SLIT3: variants seen among roughly 807,000 people sequenced by gnomAD.
SLIT3 encodes the protein slit guidance ligand 3, also known as slit homolog 3 protein.
A neutral mutation model predicts 184.0 loss-of-function variants in SLIT3; 68 were observed. That is an observed-to-expected ratio of 0.37 (90% CI 0.30 to 0.45). The LOEUF (loss-of-function observed/expected upper bound fraction) is 0.45. Ranked by LOEUF, SLIT3 falls within the 20% of genes least tolerant of loss-of-function variation. The pLI, the probability that SLIT3 is intolerant of heterozygous loss-of-function variation, is 1.00. For missense variants in SLIT3, 1,707 were observed against 2,026.0 expected, an observed-to-expected ratio of 0.84 and a Z score of 3.02; for synonymous variants, 831 against 828.6, an observed-to-expected ratio of 1.00 and a Z score of -0.05.
chr5:168,938,509 T>C (rs1762231924), intron 4 of SLIT3, among the ~76,000 whole-genome samples: 1 of 152,250 alleles, frequency 6.6e-6, no homozygotes, highest in South Asian at 2.1e-4. Context: ...TGTTGTTTTC[T>C]AGAACAAATA....
intron 4 of SLIT3, among the ~76,000 whole-genome samples, chr5:169,097,003 C>T (rs1419090396): frequency 2.0e-5 from 3 of 152,124 alleles, no homozygotes; most frequent in African/African-American, 7.2e-5. Flanking sequence ...GGGGTTGTAA[C>T]AACAATGGTT....
intron 16 of SLIT3, among the ~76,000 whole-genome samples, chr5:168,756,393 C>A (rs1346090778): frequency 6.6e-6 from 1 of 152,236 alleles, no homozygotes; most frequent in Non-Finnish European, 1.5e-5. Context: ...AGGGTGAGGC[C>A]ATGCCTGCGC....
At chr5:168,908,809 G>A (rs758785615) in intron 4 of SLIT3, among the ~76,000 whole-genome samples, 6 of 152,148 alleles carry the variant, frequency 3.9e-5, no homozygotes, top group African/African-American at 7.2e-5. Context: ...TATTACAAAC[G>A]ATGGAGGTGT....
At chr5:169,114,014 A>C (rs1323997089) in intron 4 of SLIT3, among the ~76,000 whole-genome samples, 2 of 152,182 alleles carry the variant, frequency 1.3e-5, no homozygotes, top group East Asian at 3.9e-4. Flanking sequence ...TGGCACACAG[A>C]AAGCACTCAA....
chr5:168,712,629 C>T (rs1437181376), intron 23 of SLIT3: 10 of 401,566 alleles, frequency 2.5e-5, no homozygotes, highest in East Asian at 4.2e-5. Flanking sequence ...CTCTCTTAGC[C>T]GTGGAATGCT....
At chr5:169,060,390 TCAAACAAA>T (rs35858529) in intron 4 of SLIT3, among the ~76,000 whole-genome samples, 12 of 151,054 alleles carry the variant, frequency 7.9e-5, no homozygotes, top group South Asian at 2.1e-4. Context: ...AGACTCCATC[TCAAACAAA>T]CAAACAAACA....
At chr5:169,091,564 C>T (rs1281393843) in intron 4 of SLIT3, among the ~76,000 whole-genome samples, 11 of 152,192 alleles carry the variant, frequency 7.2e-5, no homozygotes, top group Admixed American at 3.3e-4. Context: ...AGTTAATTAA[C>T]GAAAGGATAA....
In SLIT3 at chr5:168,775,098, C is replaced by T. The variant is rs377322639; in HGVS notation, c.1152-720G>A. Among the ~76,000 whole-genome samples the T allele has an allele frequency of 1.9e-4, 29 of 150,002 alleles. 1 individual carries two copies. The highest frequency in any genetic ancestry group is 1.9e-3 in the South Asian group (9 of 4,724). Reference sequence around the variant, plus strand: ...TGTCGCCCAGGCTGGAGTTCAATGGCGTGATCTCGGCTCACTGCAACCTCC... The same window carrying T: ...TGTCGCCCAGGCTGGAGTTCAATGGTGTGATCTCGGCTCACTGCAACCTCC... On this transcript the variant is annotated intron_variant, in intron 12 of 35. Coordinates refer to ENST00000519560, the MANE Select transcript of SLIT3 (RefSeq NM_003062.4).
At chr5:168,814,177 C>T (rs903020677) in intron 8 of SLIT3, among the ~76,000 whole-genome samples, 1 of 152,082 alleles carries the variant, frequency 6.6e-6, no homozygotes, top group Non-Finnish European at 1.5e-5. Context: ...GGGTGGATCA[C>T]CTGAGGTCAG....
intron 10 of SLIT3, among the ~76,000 whole-genome samples, chr5:168,793,027 C>T (rs937644827): frequency 6.6e-6 from 1 of 152,140 alleles, no homozygotes; most frequent in African/African-American, 2.4e-5. Context: ...GACTTGGATT[C>T]CATTCTCAAG....
At chr5:169,013,620 C>T (rs975400855) in intron 4 of SLIT3, among the ~76,000 whole-genome samples, 4 of 152,208 alleles carry the variant, frequency 2.6e-5, no homozygotes, top group Non-Finnish European at 4.4e-5. Flanking sequence ...TTGACCTCTG[C>T]CTCTTACGCC....
intron 4 of SLIT3, among the ~76,000 whole-genome samples, chr5:169,054,566 G>A (rs965830088): frequency 5.9e-5 from 9 of 152,126 alleles, no homozygotes; most frequent in African/African-American, 1.9e-4. Context: ...TGGCCAAAGT[G>A]ATCTTCCCAA....
At chr5:168,676,013 C>G (rs546129395) in intron 32 of SLIT3, among the ~76,000 whole-genome samples, 5 of 152,206 alleles carry the variant, frequency 3.3e-5, no homozygotes, top group African/African-American at 1.2e-4. Context: ...ACCTATCCAT[C>G]TCTCCACCCA....
chr5:168,712,444 C>T (rs1762587678), intron 23 of SLIT3, 90 bp from the exon 24 acceptor site: 2 of 1,178,386 alleles, frequency 1.7e-6, no homozygotes, highest in South Asian at 1.2e-5. Flanking sequence ...CCCTGCCACC[C>T]TTCAGTTTTG....
At position 168,745,804 on chromosome 5, in the gene SLIT3, T is replaced by C. The variant is rs549958609; in HGVS notation, c.2270+2498A>G. 9.9e-3 allele frequency among the ~76,000 whole-genome samples: 1,502 copies of C among 152,232 alleles called. 12 individuals carry two copies. The highest frequency in any genetic ancestry group is 0.031 in the Middle Eastern group (9 of 294). ...GAAATCTTTCATGAAGAAGACTCCA[T>C]TGATGTGACAAACCTCACTACTGTC... is the stretch of plus-strand genomic sequence containing the variant. On this transcript the variant is annotated intron_variant, in intron 20 of 35. Coordinates refer to ENST00000519560, the MANE Select transcript of SLIT3 (RefSeq NM_003062.4).
At chr5:168,823,393 T>C (rs1405143457) in intron 6 of SLIT3, 62 bp from the exon 7 acceptor site, 3 of 1,210,714 alleles carry the variant, frequency 2.5e-6, no homozygotes, top group Non-Finnish European at 3.7e-6. Flanking sequence ...CCAAGATGCT[T>C]GTAGTAGGTC....
chr5:168,954,593 A>G lies in SLIT3; in HGVS notation c.414-71257T>C, dbSNP rs75387949. On this transcript the variant is annotated intron_variant, in intron 4 of 35. Transcript: ENST00000519560. ...AAGATTACAAAAATATTTCCATTTT[A>G]CAGATGAGACAAGTAACACGTGAAG... is the stretch of plus-strand genomic sequence containing the variant. 6.0e-3 allele frequency among the ~76,000 whole-genome samples: 917 copies of G among 152,340 alleles called. 16 individuals are homozygous for G. The highest frequency in any genetic ancestry group is 0.021 in the African/African-American group (883 of 41,584).
chr5:169,232,842 T>C (rs924855236), intron 3 of SLIT3, among the ~76,000 whole-genome samples: 17 of 152,236 alleles, frequency 1.1e-4, no homozygotes. Context: ...AGGACTGCCC[T>C]GAATCCATCC....
chr5:168,918,840 T>G (rs1277530100), intron 4 of SLIT3, among the ~76,000 whole-genome samples: 2 of 152,188 alleles, frequency 1.3e-5, no homozygotes, highest in African/African-American at 4.8e-5. Flanking sequence ...TCTTAAAAAT[T>G]TCTGCAGACA....
Sources: allele counts gnomAD v4.1 joint callset (sites outside exome capture counted in the v4.1 genomes callset), GRCh38; gene constraint gnomAD v4.1.1; transcripts MANE v1.5; gene names NCBI Gene and HGNC (gene_info 2026-07-23, HGNC 2026-07-21).